Variants in ACACA observed in about 807,000 individuals in gnomAD.
ACACA encodes acetyl-CoA carboxylase alpha, also known as acetyl-CoA carboxylase 1.
Under a neutral mutation model 296.1 loss-of-function variants are expected in ACACA, and 103 were observed. The ratio of observed to expected loss-of-function variants is 0.35; its 90% CI spans 0.30 to 0.41. The LOEUF is 0.41. Among genes scored for constraint, ACACA ranks in the 10% least tolerant of loss-of-function variants. The pLI is 1.00. For synonymous variants in ACACA, 953 were observed against 1,038.6 expected, an observed-to-expected ratio of 0.92 and a Z score of 1.58; for missense variants, 1,554 against 2,989.7, an observed-to-expected ratio of 0.52 and a Z score of 11.20.
chr17:37,188,143 C>A (rs1211392003), intron 39 of ACACA, 134 bp downstream of exon 39: 2 of 894,958 alleles, frequency 2.2e-6, no homozygotes, highest in Admixed American at 2.0e-5. Flanking sequence ...TTCATACAAT[C>A]ATTTAATCTT....
At position 37,284,975 on chromosome 17, in the gene ACACA, A is replaced by T. The variant is rs774220614; in HGVS notation, c.339-5T>A. 1 of 1,614,134 alleles carries T rather than the reference A, an allele frequency of 6.2e-7. No individual in the cohort carries two copies. The highest frequency in any genetic ancestry group is 8.5e-7 in the Non-Finnish European group (1 of 1,180,006). ...TGCAAGCCAGACATGCTGGACCTAT[A>T]AAAATACAGAAGCCATAAAAACACC... On this transcript the variant is annotated splice_region_variant and splice_polypyrimidine_tract_variant and intron_variant, in intron 3 of 55. Coordinates refer to ENST00000616317, the MANE Select transcript of ACACA (RefSeq NM_198834.3).
At chr17:37,371,716 A>G (rs1319005685) in intron 1 of ACACA, among the ~76,000 whole-genome samples, 2 of 151,476 alleles carry the variant, frequency 1.3e-5, no homozygotes, top group Non-Finnish European at 2.9e-5. Context: ...CCTGACCAAC[A>G]TGGTGAAACC....
intron 52 of ACACA, among the ~76,000 whole-genome samples, chr17:37,109,936 T>C (rs1227786976): frequency 6.6e-6 from 1 of 152,198 alleles, no homozygotes; most frequent in Non-Finnish European, 1.5e-5. Flanking sequence ...CTCTCTCTGC[T>C]TCTGCTAGAG....
intron 1 of ACACA, among the ~76,000 whole-genome samples, chr17:37,344,645 GACA>G (rs2147381352): frequency 6.6e-6 from 1 of 152,240 alleles, no homozygotes; most frequent in Admixed American, 6.5e-5. Context: ...AGTCTGGGTA[GACA>G]ACAAGACAAT....
intron 1 of ACACA, among the ~76,000 whole-genome samples, chr17:37,390,304 T>TTATATATATATATATATATATATATA: frequency 5.6e-5 from 1 of 17,974 alleles, no homozygotes; most frequent in East Asian, 4.3e-3. Context: ...TTATACATAA[T>TTATATATATATATATATATATATATA]TATATATATA....
intron 43 of ACACA, among the ~76,000 whole-genome samples, chr17:37,154,181 T>C (rs1320389774): frequency 6.6e-6 from 1 of 152,020 alleles, no homozygotes; most frequent in Non-Finnish European, 1.5e-5. Flanking sequence ...ATGGCACCTG[T>C]CTATAGTCCC....
chr17:37,356,234 T>C (rs1033414628), intron 1 of ACACA, among the ~76,000 whole-genome samples: 11 of 152,196 alleles, frequency 7.2e-5, no homozygotes, highest in African/African-American at 2.7e-4. Context: ...GTTAATAATC[T>C]GTTAAAGTAG....
chr17:37,179,386 C>T lies in ACACA; in HGVS notation c.4953G>A (p.Glu1651=), dbSNP rs561656720. The change falls in exon 41 of 56, where the codon GAG becomes GAA. Residue 1651 remains glutamate, a synonymous_variant. Transcript: ENST00000616317. ...GAAGAAATGCTTGAGTGGACATAGA[C>T]TCCCAGAGTTTGATCAGGGACTAGT... is the stretch of plus-strand genomic sequence containing the variant. ...MFRQSLIKLW[E]SMSTQAFLPS... The T allele has an allele frequency of 1.0e-4, 164 of 1,614,152 alleles. 1 individual carries two copies. In the South Asian group the frequency reaches 1.5e-3, roughly 15 times the overall value.
At chr17:37,205,027 T>C (rs1393875786) in intron 33 of ACACA, among the ~76,000 whole-genome samples, 1 of 152,090 alleles carries the variant, frequency 6.6e-6, no homozygotes, top group Non-Finnish European at 1.5e-5. Context: ...AGGGTTTGAA[T>C]TAGAGATGGC....
intron 41 of ACACA, among the ~76,000 whole-genome samples, chr17:37,171,802 A>C (rs1171331877): frequency 6.6e-6 from 1 of 152,250 alleles, no homozygotes; most frequent in East Asian, 1.9e-4. Flanking sequence ...ACATGAAACC[A>C]CAGTAATTTT....
chr17:37,221,484 G>C, intron 29 of ACACA: 1 of 553,646 alleles, frequency 1.8e-6, no homozygotes, highest in Admixed American at 3.1e-5. Flanking sequence ...TTTCCTCAGT[G>C]ACATAATACA....
At chr17:37,101,824 T>C (rs1385995024) in intron 52 of ACACA, among the ~76,000 whole-genome samples, 1 of 152,182 alleles carries the variant, frequency 6.6e-6, no homozygotes, top group Non-Finnish European at 1.5e-5. Context: ...CAAGAACTAA[T>C]ACAATAATAG....
At chr17:37,106,285 C>G (rs1297908332) in intron 52 of ACACA, among the ~76,000 whole-genome samples, 2 of 152,142 alleles carry the variant, frequency 1.3e-5, no homozygotes, top group African/African-American at 2.4e-5. Context: ...TTATGAGGAA[C>G]CCTGCAGTGA....
At chr17:37,143,715 C>G in intron 45 of ACACA, 2 of 909,628 alleles carry the variant, frequency 2.2e-6, no homozygotes, top group Admixed American at 1.8e-5. Context: ...TCTTCCTCCT[C>G]CTCATCCTCT....
At chr17:37,327,770 C>T (rs1412939009) in intron 3 of ACACA, among the ~76,000 whole-genome samples, 1 of 152,196 alleles carries the variant, frequency 6.6e-6, no homozygotes, top group Non-Finnish European at 1.5e-5. Context: ...CAGTCTTTCT[C>T]AACAGGGGCA....
chr17:37,218,767 A>G, intron 29 of ACACA, among the ~76,000 whole-genome samples: 1 of 152,236 alleles, frequency 6.6e-6, no homozygotes, highest in East Asian at 1.9e-4. Flanking sequence ...ATGAGAAACA[A>G]TATGCTTTTC....
chr17:37,342,437 ATATAT>A (rs1456459668), intron 1 of ACACA, among the ~76,000 whole-genome samples: 7 of 59,670 alleles, frequency 1.2e-4, no homozygotes, highest in African/African-American at 3.3e-4. Context: ...AAAAAAAAAA[ATATAT>A]ATATATATAT....
At chr17:37,379,071 CA>C (rs34928391) in intron 1 of ACACA, 4 of 1,519,506 alleles carry the variant, frequency 2.6e-6, no homozygotes, top group Admixed American at 2.2e-5. Flanking sequence ...GGCACCGTCT[CA>C]AAAAAACCAA....
chr17:37,343,307 G>A (rs545715391), intron 1 of ACACA, among the ~76,000 whole-genome samples: 79 of 152,154 alleles, frequency 5.2e-4, no homozygotes, highest in African/African-American at 1.8e-3. Flanking sequence ...AAATACAACA[G>A]ATTTTACCAA....
Sources: allele counts gnomAD v4.1 joint callset (sites outside exome capture counted in the v4.1 genomes callset), GRCh38; gene constraint gnomAD v4.1.1; transcripts MANE v1.5; gene names NCBI Gene and HGNC (gene_info 2026-07-23, HGNC 2026-07-21).